ZNF761: variants seen among roughly 807,000 people sequenced by gnomAD.
ZNF761 encodes zinc finger protein 761.
In ZNF761, 43 loss-of-function variants were observed where a neutral mutation model predicts 59.9. The ratio of observed to expected loss-of-function variants is 0.72; its 90% CI spans 0.56 to 0.92. The LOEUF is 0.92. Among genes scored for constraint, ZNF761 ranks in the 40% least tolerant of loss-of-function variants. The pLI is 0.00. For missense variants in ZNF761, 850 were observed against 906.1 expected (o/e 0.94, Z 0.79); for synonymous variants, 294 against 304.8 (o/e 0.96, Z 0.37).
chr19:53,432,935 A>G (rs1226764944), intron 1 of ZNF761, among the ~76,000 whole-genome samples: 4 of 151,596 alleles, frequency 2.6e-5, no homozygotes, highest in Admixed American at 2.0e-4. Flanking sequence ...AGGAGGAGGG[A>G]TTTGGAGCCA....
chr19:53,454,964 A>G lies in ZNF761; in HGVS notation c.457A>G (p.Ile153Val), dbSNP rs761480131. 5.6e-6 allele frequency: 9 copies of G among 1,614,184 alleles called. No homozygotes were observed. Among genetic ancestry groups the G allele is most frequent in the Non-Finnish European group, 6.8e-6 (8 of 1,180,032 alleles). Residue 153 changes from isoleucine to valine, a missense_variant, in exon 5 of 5, where the codon ATA becomes GTA. Physicochemically the swap from Ile to Val is conservative, Grantham distance 29 (BLOSUM62 3). Transcript: ENST00000684525. ...SFHSHLPEMHIFQTEEKIDNQ... is the reference protein window; with the variant it reads ...SFHSHLPEMHVFQTEEKIDNQ... Reference sequence around the variant, plus strand: ...TCATTCGCATCTGCCTGAAATGCACATATTTCAGACCGAAGAGAAAATTGA... The same window carrying G: ...TCATTCGCATCTGCCTGAAATGCACGTATTTCAGACCGAAGAGAAAATTGA...
intron 3 of ZNF761, 148 bp from the exon 4 acceptor site, chr19:53,449,364 A>G: frequency 1.3e-6 from 2 of 1,595,020 alleles, no homozygotes; most frequent in South Asian, 2.2e-5. Context: ...ACAACTGGGA[A>G]GACAAAATGC....
intron 4 of ZNF761, chr19:53,450,447 G>A (rs1461038342): frequency 6.6e-6 from 1 of 152,216 alleles, no homozygotes; most frequent in Non-Finnish European, 1.5e-5. Flanking sequence ...ACTTACAGTG[G>A]AAGTATTACT....
At chr19:53,451,357 T>G (rs779570224) in intron 4 of ZNF761, among the ~76,000 whole-genome samples, 1 of 152,054 alleles carries the variant, frequency 6.6e-6, no homozygotes, top group Non-Finnish European at 1.5e-5. Flanking sequence ...ATTACAGATG[T>G]GTGCCACCAC....
At position 53,457,935 on chromosome 19, in the gene ZNF761, C is replaced by A. The variant is rs1298968522; in HGVS notation, c.*1187C>A. The A allele has an allele frequency of 6.6e-6, 1 of 152,404 alleles. No homozygotes were observed. Among genetic ancestry groups the A allele is most frequent in the African/African-American group, 2.4e-5 (1 of 41,444 alleles). 9.4% of individuals were successfully genotyped at this position (152,404 alleles called of 1,614,324 possible). ...ATTTCACAATATTAATTTTTCCAAG[C>A]TATCAATATGGGTTGTAGCTCAATG... On this transcript the variant is annotated 3_prime_UTR_variant, in exon 5 of 5. Transcript: ENST00000684525.
At chr19:53,447,066 C>A (rs932009726) in intron 2 of ZNF761, 130 bp from the exon 3 acceptor site, 3 of 517,270 alleles carry the variant, frequency 5.8e-6, no homozygotes, top group Non-Finnish European at 1.0e-5. Context: ...GGCAGTTTAT[C>A]ATCCCTGGTG....
Position 53,456,816 on chromosome 19 carries a change from A to G in ZNF761, c.*68A>G. Reference sequence around the variant, plus strand: ...TCATCATAGAATTCATACTGGGGAGAAACCTTAGAAATGTGAAGCATGTGA... The same window carrying G: ...TCATCATAGAATTCATACTGGGGAGGAACCTTAGAAATGTGAAGCATGTGA... On this transcript the variant is annotated 3_prime_UTR_variant, in exon 5 of 5. Coordinates refer to ENST00000684525, the MANE Select transcript of ZNF761 (RefSeq NM_001289951.2). The G allele has an allele frequency of 6.5e-7, 1 of 1,526,966 alleles. No homozygotes were observed. The allele number at this position is 1,526,966 out of a possible 1,614,324, so 94.6% of individuals were successfully genotyped here.
Position 53,456,305 on chromosome 19 carries a change from C to A in ZNF761, c.1798C>A (p.His600Asn). Residue 600 changes from histidine to asparagine, a missense_variant, in exon 5 of 5, where the codon CAT becomes AAT. By Grantham distance (68) the His-to-Asn change is moderately conservative. Transcript: ENST00000684525. ...AAACCTTGAAATACATCAGAAAATTCATACTGAAGAGAATCCTTACAAGTG... is the reference window on the plus strand; with the variant it reads ...AAACCTTGAAATACATCAGAAAATTAATACTGAAGAGAATCCTTACAAGTG... ...KSNLEIHQKI[H>N]TEENPYKCNE... 6.2e-7 allele frequency: 1 copy of A among 1,611,038 alleles called. No individual in the cohort carries two copies.
At chr19:53,438,169 AG>A (rs1321742975) in intron 1 of ZNF761, among the ~76,000 whole-genome samples, 5 of 141,892 alleles carry the variant, frequency 3.5e-5, no homozygotes, top group Admixed American at 2.2e-4. Context: ...AAGTTGTGTA[AG>A]GGTTTTCACA....
At chr19:53,446,863 C>G (rs1819899165) in intron 2 of ZNF761, among the ~76,000 whole-genome samples, 2 of 152,172 alleles carry the variant, frequency 1.3e-5, no homozygotes, top group Non-Finnish European at 2.9e-5. Context: ...CTCAAGAGAT[C>G]TATCTGCCTC....
intron 1 of ZNF761, among the ~76,000 whole-genome samples, chr19:53,433,524 T>G (rs11084245): frequency 2.7e-5 from 4 of 146,444 alleles, no homozygotes; most frequent in Non-Finnish European, 4.5e-5. Context: ...TTGCCTTGCC[T>G]GTTACTTTTC....
chr19:53,448,036 C>T (rs1033777065), intron 3 of ZNF761, among the ~76,000 whole-genome samples: 3 of 152,144 alleles, frequency 2.0e-5, no homozygotes, highest in Admixed American at 1.3e-4. Context: ...GAGTCTTGCT[C>T]TGTCACCCAG....
intron 1 of ZNF761, chr19:53,443,816 T>C (rs2086125548): frequency 6.6e-6 from 1 of 152,274 alleles, no homozygotes; most frequent in African/African-American, 2.4e-5. Context: ...ACTGTGCCTA[T>C]GTGGAAAGAA....
intron 4 of ZNF761, 37 bp from the exon 5 acceptor site, chr19:53,454,613 A>T: frequency 6.5e-7 from 1 of 1,536,224 alleles, no homozygotes; most frequent in Non-Finnish European, 8.7e-7. Flanking sequence ...TACCATCTGT[A>T]CTTAATTTGA....
intron 4 of ZNF761, 188 bp downstream of exon 4, chr19:53,449,826 A>G (rs2086201044): frequency 1.5e-6 from 2 of 1,377,952 alleles, no homozygotes; most frequent in Admixed American, 5.2e-5. Context: ...GGTAGCTGGT[A>G]CAGGTGCATG....
At chr19:53,451,915 G>C (rs1247318903) in intron 4 of ZNF761, among the ~76,000 whole-genome samples, 1 of 151,944 alleles carries the variant, frequency 6.6e-6, no homozygotes, top group Non-Finnish European at 1.5e-5. Flanking sequence ...ACATGTTATT[G>C]CTATTAGATG....
chr19:53,454,721 G>A lies in ZNF761; in HGVS notation c.214G>A (p.Gly72Arg). Residue 72 changes from glycine (G) to arginine (R), a missense_variant, in exon 5 of 5, where the codon GGG (glycine) becomes AGG (arginine). Coordinates refer to ENST00000684525, the MANE Select transcript of ZNF761 (RefSeq NM_001289951.2). ...AGGCAACAGAGAAGTGTTCCATGCAGGGACATTGCAAATACATGAAAGTCA... is the reference window on the plus strand; with the variant it reads ...AGGCAACAGAGAAGTGTTCCATGCAAGGACATTGCAAATACATGAAAGTCA... The part of the protein sequence containing the change: ...AQGNREVFHA[G>R]TLQIHESHHN... 2 of 1,614,106 alleles carry A rather than the reference G, an allele frequency of 1.2e-6. No individual in the cohort carries two copies. The highest frequency in any genetic ancestry group is 1.7e-6 in the Non-Finnish European group (2 of 1,179,994).
At chr19:53,439,303 T>TTTG (rs1184586272) in intron 1 of ZNF761, among the ~76,000 whole-genome samples, 1 of 151,592 alleles carries the variant, frequency 6.6e-6, no homozygotes, top group Non-Finnish European at 1.5e-5. Flanking sequence ...GGTAGTTGTT[T>TTTG]TTGTTGTTGT....
At chr19:53,446,769 A>C (rs758022324) in intron 2 of ZNF761, among the ~76,000 whole-genome samples, 6 of 152,026 alleles carry the variant, frequency 3.9e-5, no homozygotes, top group Non-Finnish European at 8.8e-5. Flanking sequence ...TCAGACTCCT[A>C]AGTAGCTTGG....
Sources: gnomAD v4.1 joint callset for allele counts (sites outside exome capture counted in the v4.1 genomes callset) on GRCh38, gnomAD v4.1.1 for gene constraint, MANE v1.5 for transcripts, NCBI Gene and HGNC (gene_info 2026-07-23, HGNC 2026-07-21) for gene names.